The following NEK10 variants were observed in gnomAD, a reference collection of about 807,000 sequenced individuals.
The protein encoded by NEK10 is NIMA related kinase 10.
A neutral mutation model predicts 159.8 loss-of-function variants in NEK10; 122 were observed. That is an observed-to-expected ratio of 0.76 (90% CI 0.66 to 0.89). NEK10 has a LOEUF of 0.89. Ranked by LOEUF, NEK10 falls within the 40% of genes least tolerant of loss-of-function variation. The probability of loss-of-function intolerance (pLI) is 0.00; values close to 1 mark genes in which losing one functional copy is unlikely to be tolerated. For synonymous variants in NEK10, 466 were observed against 457.1 expected, an observed-to-expected ratio of 1.02 and a Z score of -0.25; for missense variants, 1,342 against 1,323.1, an observed-to-expected ratio of 1.01 and a Z score of -0.22.
chr3:27,325,188 C>T (rs531996183), intron 5 of NEK10, among the ~76,000 whole-genome samples: 34 of 152,320 alleles, frequency 2.2e-4, no homozygotes, highest in Middle Eastern at 3.4e-3. Flanking sequence ...CTTGCTCACA[C>T]TGCCCTTCAA....
chr3:27,201,957 A>C (rs1488001140), intron 24 of NEK10, among the ~76,000 whole-genome samples: 1 of 151,858 alleles, frequency 6.6e-6, no homozygotes, highest in Non-Finnish European at 1.5e-5. Flanking sequence ...TCAGGAGTTC[A>C]AGACCAGCCT....
chr3:27,139,728 T>C (rs1036295244), intron 31 of NEK10, among the ~76,000 whole-genome samples: 2 of 152,176 alleles, frequency 1.3e-5, no homozygotes, highest in Non-Finnish European at 2.9e-5. Flanking sequence ...GAGGGTAAAA[T>C]GCCAGAGCTT....
At chr3:27,289,762 C>A (rs1273797019) in intron 19 of NEK10, among the ~76,000 whole-genome samples, 2 of 152,180 alleles carry the variant, frequency 1.3e-5, no homozygotes, top group Admixed American at 6.5e-5. Flanking sequence ...TACACATGAA[C>A]AAACTTTTTA....
At chr3:27,219,115 T>C (rs1317054139) in intron 23 of NEK10, among the ~76,000 whole-genome samples, 1 of 152,226 alleles carries the variant, frequency 6.6e-6, no homozygotes, top group Non-Finnish European at 1.5e-5. Flanking sequence ...TTTCCAAAAC[T>C]TAAATAAGCC....
In NEK10 at chr3:27,111,167, C is replaced by T. The variant is rs1939479642; in HGVS notation, c.*105G>A. The T allele has an allele frequency of 1.8e-6, 2 of 1,098,930 alleles. No individual in the cohort carries two copies. Among genetic ancestry groups the T allele is most frequent in the Non-Finnish European group, 2.7e-6 (2 of 744,404 alleles). The allele number at this position is 1,098,930 out of a possible 1,614,324, so 68.1% of individuals were successfully genotyped here. On this transcript the variant is annotated 3_prime_UTR_variant, in exon 36 of 36. Coordinates refer to ENST00000691995, the MANE Select transcript of NEK10 (RefSeq NM_001394966.1). ...GGCCCCATGGCATCTTGGTCTTTTC[C>T]ACACCCTCTAGCAGCACCCAATCCT...
At chr3:27,245,469 C>T (rs1954963448) in intron 23 of NEK10, among the ~76,000 whole-genome samples, 1 of 152,160 alleles carries the variant, frequency 6.6e-6, no homozygotes, top group African/African-American at 2.4e-5. Context: ...TGGAATGTTA[C>T]TCCACTACTG....
intron 5 of NEK10, among the ~76,000 whole-genome samples, chr3:27,326,039 C>G (rs1220021262): frequency 6.6e-6 from 1 of 152,182 alleles, no homozygotes; most frequent in Non-Finnish European, 1.5e-5. Flanking sequence ...AAGGCCACAT[C>G]CAGGATGTAC....
intron 23 of NEK10, chr3:27,215,086 G>A (rs569286661): frequency 1.6e-5 from 8 of 507,972 alleles, no homozygotes; most frequent in Admixed American, 6.0e-5. Context: ...TGCAAGTCTC[G>A]CGAGCTATTT....
At chr3:27,232,186 C>T (rs2084043) in intron 23 of NEK10, among the ~76,000 whole-genome samples, 19,644 of 151,762 alleles carry the variant, frequency 0.13, 3,119 homozygotes, top group African/African-American at 0.38. Flanking sequence ...CCAAAAAGCT[C>T]CTAGATCCAA....
chr3:27,305,628 A>AAT (rs1553627491), intron 11 of NEK10, among the ~76,000 whole-genome samples: 33,779 of 148,644 alleles, frequency 0.23, 4,158 homozygotes, highest in Middle Eastern at 0.38. Flanking sequence ...AAAAAAAAAA[A>AAT]AATAATAATA....
intron 16 of NEK10, among the ~76,000 whole-genome samples, chr3:27,292,822 A>G (rs2043096349): frequency 6.6e-6 from 1 of 152,050 alleles, no homozygotes; most frequent in South Asian, 2.1e-4. Context: ...CTAAATCCAA[A>G]CAGTATAGAA....
At chr3:27,141,299 A>G (rs1026682425) in intron 31 of NEK10, among the ~76,000 whole-genome samples, 183 bp downstream of exon 31, 4 of 152,154 alleles carry the variant, frequency 2.6e-5, no homozygotes, top group Non-Finnish European at 5.9e-5. Flanking sequence ...AATCCCATAT[A>G]TTTGCTTTGT....
At chr3:27,167,986 C>T (rs1275566194) in intron 29 of NEK10, among the ~76,000 whole-genome samples, 6 of 152,212 alleles carry the variant, frequency 3.9e-5, no homozygotes, top group Admixed American at 2.6e-4. Flanking sequence ...TTAGTTTTTC[C>T]GCAAGCAATT....
intron 19 of NEK10, among the ~76,000 whole-genome samples, chr3:27,288,026 A>G (rs1056611999): frequency 1.3e-5 from 2 of 152,236 alleles, no homozygotes; most frequent in Admixed American, 6.5e-5. Flanking sequence ...AGAACTATAG[A>G]GGTAGAAGGA....
At chr3:27,188,739 C>A (rs7612312) in intron 26 of NEK10, among the ~76,000 whole-genome samples, 61,433 of 152,040 alleles carry the variant, frequency 0.4, 15,201 homozygotes, top group African/African-American at 0.71. Flanking sequence ...AAATGTTAGC[C>A]TAAAGCTGTC....
chr3:27,269,601 A>C (rs536829677), intron 22 of NEK10, among the ~76,000 whole-genome samples: 1 of 152,338 alleles, frequency 6.6e-6, no homozygotes, highest in South Asian at 2.1e-4. Flanking sequence ...TATTGCACAC[A>C]AATAGACTAT....
intron 31 of NEK10, among the ~76,000 whole-genome samples, chr3:27,133,696 C>T (rs1942869470): frequency 6.6e-6 from 1 of 152,198 alleles, no homozygotes; most frequent in Non-Finnish European, 1.5e-5. Flanking sequence ...GTTGCTTGAA[C>T]CCCGGAGGTG....
chr3:27,171,073 C>G (rs1275186561), intron 29 of NEK10, among the ~76,000 whole-genome samples: 1 of 152,190 alleles, frequency 6.6e-6, no homozygotes, highest in Non-Finnish European at 1.5e-5. Flanking sequence ...TGCCTCCTAT[C>G]TCTGCCTCTG....
chr3:27,172,012 C>T, intron 28 of NEK10, 139 bp from the exon 29 acceptor site: 1 of 944,332 alleles, frequency 1.1e-6, no homozygotes, highest in Non-Finnish European at 1.5e-6. Context: ...GTTGGTGGGA[C>T]TGTAAATTAG....
Sources: gnomAD v4.1 joint callset for allele counts (sites outside exome capture counted in the v4.1 genomes callset) on GRCh38, gnomAD v4.1.1 for gene constraint, MANE v1.5 for transcripts, NCBI Gene and HGNC (gene_info 2026-07-23, HGNC 2026-07-21) for gene names.